Variants in PRDM5 observed in about 807,000 individuals in gnomAD.
PRDM5 encodes the protein PR domain zinc finger protein 5.
A neutral mutation model predicts 81.2 loss-of-function variants in PRDM5; 56 were observed. That is an observed-to-expected ratio of 0.69 (90% CI 0.56 to 0.86). The LOEUF (loss-of-function observed/expected upper bound fraction) is 0.86, where lower values mean the gene tolerates loss of function less well. PRDM5 is among the 40% of genes least tolerant of loss of function. PRDM5 has a pLI of 0.00. For missense variants in PRDM5, 697 were observed against 770.1 expected, an observed-to-expected ratio of 0.91 and a Z score of 1.12; for synonymous variants, 267 against 256.4, an observed-to-expected ratio of 1.04 and a Z score of -0.39.
At chr4:120,879,987 C>T (rs765164458) in intron 2 of PRDM5, among the ~76,000 whole-genome samples, 7 of 151,964 alleles carry the variant, frequency 4.6e-5, no homozygotes, top group South Asian at 2.1e-4. Context: ...GAATGAACAA[C>T]GCAAAGAGTG....
intron 14 of PRDM5, among the ~76,000 whole-genome samples, chr4:120,723,010 C>T (rs1442718053): frequency 1.3e-5 from 2 of 152,178 alleles, no homozygotes; most frequent in African/African-American, 2.4e-5. Flanking sequence ...TCTTTTAAGG[C>T]CCTTTCAGTT....
intron 8 of PRDM5, among the ~76,000 whole-genome samples, chr4:120,801,355 T>C (rs1752095007): frequency 6.6e-6 from 1 of 152,194 alleles, no homozygotes; most frequent in South Asian, 2.1e-4. Flanking sequence ...CATAGAAGGC[T>C]TCAAGGCAGG....
At chr4:120,715,455 AAATAT>A (rs533126118) in intron 14 of PRDM5, among the ~76,000 whole-genome samples, 99 of 152,310 alleles carry the variant, frequency 6.5e-4, no homozygotes, top group African/African-American at 2.1e-3. Flanking sequence ...GCAGTCCAAA[AAATAT>A]AATGTGCTTT....
chr4:120,733,254 A>T, intron 14 of PRDM5, among the ~76,000 whole-genome samples: 1 of 152,134 alleles, frequency 6.6e-6, no homozygotes, highest in East Asian at 1.9e-4. Context: ...TACTGTTATC[A>T]ACACAATCAA....
chr4:120,912,289 A>G (rs938368331), intron 1 of PRDM5, among the ~76,000 whole-genome samples: 3 of 152,182 alleles, frequency 2.0e-5, no homozygotes, highest in African/African-American at 7.2e-5. Context: ...GATACATTAT[A>G]TGCCCCCTAC....
At chr4:120,888,718 G>C (rs773908413) in intron 2 of PRDM5, among the ~76,000 whole-genome samples, 23 of 152,168 alleles carry the variant, frequency 1.5e-4, no homozygotes, top group Non-Finnish European at 3.4e-4. Context: ...AAAAAACCCA[G>C]AAGCAGTATA....
intron 1 of PRDM5, among the ~76,000 whole-genome samples, chr4:120,916,205 A>G (rs1360767027): frequency 1.3e-5 from 2 of 152,048 alleles, no homozygotes; most frequent in Non-Finnish European, 2.9e-5. Context: ...CCTCACCAAC[A>G]TGGTAAAACC....
chr4:120,764,151 A>C (rs866877049), intron 13 of PRDM5, among the ~76,000 whole-genome samples: 1 of 152,238 alleles, frequency 6.6e-6, no homozygotes, highest in Non-Finnish European at 1.5e-5. Context: ...TAATTTACCA[A>C]TAGATAAAGC....
intron 3 of PRDM5, among the ~76,000 whole-genome samples, chr4:120,842,559 T>C (rs540739387): frequency 2.0e-5 from 3 of 152,350 alleles, no homozygotes; most frequent in South Asian, 4.1e-4. Context: ...AGCCTAGTGA[T>C]AGAGATGACA....
At chr4:120,863,156 TAA>T (rs66499146) in intron 2 of PRDM5, among the ~76,000 whole-genome samples, 45 of 40,114 alleles carry the variant, frequency 1.1e-3, no homozygotes, top group Middle Eastern at 0.04. Context: ...AGACTCTGTC[TAA>T]AAAAAAAAAA....
At chr4:120,921,298 A>T (rs1579253084) in intron 1 of PRDM5, among the ~76,000 whole-genome samples, 1 of 152,238 alleles carries the variant, frequency 6.6e-6, no homozygotes, top group East Asian at 1.9e-4. Flanking sequence ...GCCATTTGGC[A>T]ACTATTCAAT....
intron 2 of PRDM5, among the ~76,000 whole-genome samples, chr4:120,870,136 G>A (rs1761626125): frequency 6.6e-6 from 1 of 152,068 alleles, no homozygotes; most frequent in Non-Finnish European, 1.5e-5. Flanking sequence ...AGGAGACAGA[G>A]GAAGGGAGGG....
At chr4:120,779,321 A>C (rs777993061) in intron 12 of PRDM5, among the ~76,000 whole-genome samples, 2 of 152,156 alleles carry the variant, frequency 1.3e-5, no homozygotes, top group Non-Finnish European at 2.9e-5. Flanking sequence ...ATACTGAATA[A>C]ATTTATGAGA....
chr4:120,885,134 CAAAAA>C (rs60623556), intron 2 of PRDM5, among the ~76,000 whole-genome samples: 27 of 50,714 alleles, frequency 5.3e-4, no homozygotes, highest in African/African-American at 1.7e-3. Flanking sequence ...GACTCCGTAT[CAAAAA>C]AAAAAAAAAA....
At chr4:120,779,371 T>C (rs944779210) in intron 12 of PRDM5, among the ~76,000 whole-genome samples, 4 of 152,166 alleles carry the variant, frequency 2.6e-5, no homozygotes, top group Non-Finnish European at 4.4e-5. Context: ...TGTGTGACTA[T>C]TATTGCAGAC....
intron 13 of PRDM5, among the ~76,000 whole-genome samples, chr4:120,775,297 G>A (rs1352878358): frequency 6.6e-6 from 1 of 151,894 alleles, no homozygotes; most frequent in East Asian, 1.9e-4. Context: ...GAGAATTCTT[G>A]GAACTCTAAA....
At chr4:120,700,867 A>G (rs1448322924) in intron 15 of PRDM5, among the ~76,000 whole-genome samples, 2 of 152,156 alleles carry the variant, frequency 1.3e-5, no homozygotes, top group African/African-American at 4.8e-5. Context: ...GCTCACATCT[A>G]TAATCCCAGC....
At chr4:120,790,046 A>ATAGAAGG in intron 10 of PRDM5, among the ~76,000 whole-genome samples, 1 of 152,308 alleles carries the variant, frequency 6.6e-6, no homozygotes, top group East Asian at 1.9e-4. Flanking sequence ...AGATGAAGTT[A>ATAGAAGG]TAGAAGGTAG....
chr4:120,710,222 C>G, intron 15 of PRDM5, 87 bp downstream of exon 15: 2 of 494,360 alleles, frequency 4.0e-6, no homozygotes, highest in Non-Finnish European at 3.2e-6. Flanking sequence ...CACACACAGA[C>G]ACACACACAC....
Sources: gnomAD v4.1 joint callset for allele counts (sites outside exome capture counted in the v4.1 genomes callset) on GRCh38, gnomAD v4.1.1 for gene constraint, MANE v1.5 for transcripts, NCBI Gene and HGNC (gene_info 2026-07-23, HGNC 2026-07-21) for gene names.